Variants in GKN2 observed in about 807,000 individuals in gnomAD.
The protein encoded by GKN2 is gastrokine 2.
Under a neutral mutation model 22.7 loss-of-function variants are expected in GKN2, and 17 were observed. The ratio of observed to expected loss-of-function variants is 0.75; its 90% confidence interval spans 0.51 to 1.13. The LOEUF (loss-of-function observed/expected upper bound fraction) is 1.13. GKN2 is among the 50% of genes most tolerant of loss of function. GKN2 has a pLI of 0.00. For synonymous variants in GKN2, 82 were observed against 79.6 expected, an observed-to-expected ratio of 1.03 and a Z score of -0.16; for missense variants, 248 against 221.4, an observed-to-expected ratio of 1.12 and a Z score of -0.76.
rs1315949852 is a variant in GKN2 at position 68,950,020 on chromosome 2, A to G, written c.204+106T>C. The G allele has an allele frequency of 8.3e-6, 7 of 841,332 alleles. No homozygotes were observed. The East Asian group carries it at 1.8e-4, about 21-fold the overall frequency. 52.1% of individuals were successfully genotyped at this position (841,332 alleles called of 1,614,324 possible). On this transcript the variant is annotated intron_variant, in intron 3 of 5. Transcript: ENST00000328895. ...AAGTGAGGAATTCTTAAAGAATTGC[A>G]AGGTTAAGTCTAAGAATTCAAGTAT...
chr2:68,952,068 G>A (rs956061877), intron 1 of GKN2, among the ~76,000 whole-genome samples: 1 of 152,180 alleles, frequency 6.6e-6, no homozygotes, highest in Admixed American at 6.5e-5. Context: ...AGAGACTAGG[G>A]GAGCGAATTC....
In GKN2 at chr2:68,950,257, T is replaced by TA. The variant is rs765237590; in HGVS notation, c.72dup (p.Asn25Ter). The TA allele has an allele frequency of 1.2e-6, 2 of 1,605,648 alleles. No individual in the cohort carries two copies. Among genetic ancestry groups the TA allele is most frequent in the South Asian group, 2.3e-5 (2 of 88,488 alleles). ...CCATTGTTGCTTGGGCTGATGATGT[T>TA]AAAAACCTAGATTGAAAAGAAAGAC... On this transcript the variant is annotated frameshift_variant, in exon 3 of 6. Transcript: ENST00000328895. LOFTEE classifies it high-confidence loss of function.
rs1207314404 is a variant in GKN2 at position 68,946,396 on chromosome 2, A to G, written c.380T>C (p.Ile127Thr). ...WVKYNPLESL[I>T]KDVDWFLLGS... ...AAGCAGGAACCAATCCACGTCTTTG[A>G]TCAGAGACTCCAGAGGGTTGTACTT... Residue 127 changes from isoleucine to threonine, a missense_variant, in exon 5 of 6, where the codon ATC (isoleucine) becomes ACC (threonine). Coordinates refer to ENST00000328895, the MANE Select transcript of GKN2 (RefSeq NM_182536.3). 1.2e-6 allele frequency: 2 copies of G among 1,613,926 alleles called. No homozygotes were observed. Among genetic ancestry groups the G allele is most frequent in the Non-Finnish European group, 1.7e-6 (2 of 1,179,984 alleles).
chr2:68,951,609 T>A (rs1669857200), intron 1 of GKN2, among the ~76,000 whole-genome samples: 1 of 152,176 alleles, frequency 6.6e-6, no homozygotes, highest in Non-Finnish European at 1.5e-5. Flanking sequence ...CTTTCCTACT[T>A]CCCTTTCCAT....
chr2:68,952,815 C>T lies in GKN2; in HGVS notation c.12+35G>A, dbSNP rs192229708. 24 of 1,612,672 alleles carry T rather than the reference C, an allele frequency of 1.5e-5. No individual in the cohort carries two copies. The Admixed American group carries it at 4.0e-4, about 27-fold the overall frequency. Reference sequence around the variant, plus strand: ...ATGAGCATTGTCTGCAAGCAGTCACCACAAGAGTATCAAGAAGCAGAAACA... The same window carrying T: ...ATGAGCATTGTCTGCAAGCAGTCACTACAAGAGTATCAAGAAGCAGAAACA... On this transcript the variant is annotated intron_variant, in intron 1 of 5. Transcript: ENST00000328895.
Position 68,951,732 on chromosome 2 carries a change from C to A in GKN2, c.13-977G>T, listed in dbSNP as rs1456100002. Among the ~76,000 whole-genome samples, 3 of 152,160 alleles carry A rather than the reference C, an allele frequency of 2.0e-5. No homozygotes were observed. In the East Asian group the frequency reaches 5.8e-4, roughly 29 times the overall value. ...CATCTTCTCTTACCACAGACCAGCT[C>A]CAGCAACATATGATACTCCCGTATA... is the stretch of plus-strand genomic sequence containing the variant. On this transcript the variant is annotated intron_variant, in intron 1 of 5. Coordinates refer to ENST00000328895, the MANE Select transcript of GKN2 (RefSeq NM_182536.3).
intron 2 of GKN2, 92 bp from the exon 3 acceptor site, chr2:68,950,355 G>C (rs1669838085): frequency 7.8e-7 from 1 of 1,285,498 alleles, no homozygotes; most frequent in Non-Finnish European, 1.1e-6. Context: ...TGCCTGCTAT[G>C]AACAAGGGAT....
intron 5 of GKN2, chr2:68,945,703 C>G: frequency 3.1e-6 from 1 of 327,578 alleles, no homozygotes; most frequent in East Asian, 5.0e-5. Context: ...ATCTACCTTC[C>G]AGTACTCTGA....
chr2:68,945,278 T>A lies in GKN2; in HGVS notation c.*90A>T. On this transcript the variant is annotated 3_prime_UTR_variant, in exon 6 of 6. Transcript: ENST00000328895. ...TTTTCTGACTGAATCTCAAAATTAG[T>A]TGGGGCATTGGGAAAGAATTTAATT... 1 of 867,256 alleles carries A rather than the reference T, an allele frequency of 1.2e-6. No individual in the cohort carries two copies. 53.7% of individuals were successfully genotyped at this position (867,256 alleles called of 1,614,324 possible). A position where few individuals can be genotyped will look rare whatever the true frequency, so the allele number is the denominator to read the frequency against.
At position 68,945,466 on chromosome 2, in the gene GKN2, T is replaced by A. The variant is rs1369197090; in HGVS notation, c.473-16A>T. ...CCGACATTATCTGGAAAAGGGAAAATTTTTCAGAGAAAGAGCATTAAAAAA... is the reference window on the plus strand; with the variant it reads ...CCGACATTATCTGGAAAAGGGAAAAATTTTCAGAGAAAGAGCATTAAAAAA... On this transcript the variant is annotated splice_polypyrimidine_tract_variant and intron_variant, in intron 5 of 5. Transcript: ENST00000328895. The A allele has an allele frequency of 6.3e-7, 1 of 1,575,902 alleles. No individual in the cohort carries two copies. Among genetic ancestry groups the A allele is most frequent in the South Asian group, 1.1e-5 (1 of 88,038 alleles).
At chr2:68,946,519 T>A (rs928872241) in intron 4 of GKN2, 59 bp from the exon 5 acceptor site, 170 of 1,375,666 alleles carry the variant, frequency 1.2e-4, no homozygotes, top group Middle Eastern at 1.9e-4. Context: ...TTGGTGTACC[T>A]TATTCTAAAT....
chr2:68,952,793 A>C (rs1456193065), intron 1 of GKN2, 57 bp downstream of exon 1: 2 of 1,585,894 alleles, frequency 1.3e-6, no homozygotes, highest in Non-Finnish European at 1.7e-6. Flanking sequence ...ATTAGATATG[A>C]GCATTGTCTG....
At chr2:68,949,550 G>A (rs1309237907) in intron 3 of GKN2, among the ~76,000 whole-genome samples, 1 of 151,990 alleles carries the variant, frequency 6.6e-6, no homozygotes, top group Non-Finnish European at 1.5e-5. Context: ...CTCCCAAGTA[G>A]GTGGGACCAC....
At chr2:68,945,490 A>C in intron 5 of GKN2, 40 bp from the exon 6 acceptor site, 2 of 1,390,198 alleles carry the variant, frequency 1.4e-6, no homozygotes, top group Non-Finnish European at 1.0e-6. Flanking sequence ...AGCATTAAAA[A>C]ATATATTATT....
rs200664095 is a variant in GKN2 at position 68,950,731 on chromosome 2, T to C, written c.37A>G (p.Ile13Val). The C allele has an allele frequency of 1.4e-5, 23 of 1,614,122 alleles. No individual in the cohort carries two copies. The highest frequency in any genetic ancestry group is 1.0e-4 in the Admixed American group (6 of 60,024). Residue 13 changes from isoleucine (I) to valine (V), a missense_variant, in exon 2 of 6, where the codon ATC becomes GTC. Transcript: ENST00000328895. ...ILVAFLVVLT[I>V]FGIQSHGYEV... ...TATCCATGAGATTGTATCCCAAAGA[T>C]GGTCAGCACCACCAGAAATGCCACC...
chr2:68,947,666 C>A (rs987490034), intron 3 of GKN2, among the ~76,000 whole-genome samples: 1 of 152,150 alleles, frequency 6.6e-6, no homozygotes, highest in Non-Finnish European at 1.5e-5. Context: ...CCTCAGCTCA[C>A]TGAAGCCTCC....
intron 3 of GKN2, 21 bp downstream of exon 3, chr2:68,950,105 G>A: frequency 6.2e-7 from 1 of 1,609,784 alleles, no homozygotes; most frequent in African/African-American, 1.3e-5. Context: ...TGATGAATAT[G>A]AAAATTCATT....
intron 1 of GKN2, among the ~76,000 whole-genome samples, chr2:68,951,374 A>G (rs1366088006): frequency 1.3e-5 from 2 of 152,180 alleles, no homozygotes; most frequent in African/African-American, 4.8e-5. Flanking sequence ...TGCTGGGCCC[A>G]CAGGTCGTGA....
intron 3 of GKN2, among the ~76,000 whole-genome samples, chr2:68,947,601 A>AT (rs1471915556): frequency 2.0e-5 from 3 of 151,868 alleles, no homozygotes; most frequent in East Asian, 1.9e-4. Flanking sequence ...CATTATTATT[A>AT]TTTTTTTGAG....
Sources: allele counts gnomAD v4.1 joint callset (sites outside exome capture counted in the v4.1 genomes callset), GRCh38; gene constraint gnomAD v4.1.1; transcripts MANE v1.5; gene names NCBI Gene and HGNC (gene_info 2026-07-23, HGNC 2026-07-21).